Variants in IRAK1BP1 observed in about 807,000 individuals in gnomAD.
IRAK1BP1 encodes the protein interleukin 1 receptor associated kinase 1 binding protein 1.
IRAK1BP1 carries 24 observed loss-of-function variants against 28.0 expected under a neutral mutation model. The ratio of observed to expected loss-of-function variants is 0.86; its 90% CI spans 0.62 to 1.20. The LOEUF is 1.20. IRAK1BP1 is among the 50% of genes most tolerant of loss of function. IRAK1BP1 has a pLI of 0.00. For synonymous variants in IRAK1BP1, 131 were observed against 116.3 expected, an observed-to-expected ratio of 1.13 and a Z score of -0.81; for missense variants, 336 against 316.7, an observed-to-expected ratio of 1.06 and a Z score of -0.46.
At position 78,898,603 on chromosome 6, in the gene IRAK1BP1, A is replaced by C. The variant is rs1771991428; in HGVS notation, c.*269A>C. 1 of 151,542 alleles carries C rather than the reference A, an allele frequency of 6.6e-6. No homozygotes were observed. The highest frequency in any genetic ancestry group is 6.6e-5 in the Admixed American group (1 of 15,212). 9.4% of individuals were successfully genotyped at this position (151,542 alleles called of 1,614,324 possible). On this transcript the variant is annotated 3_prime_UTR_variant, in exon 4 of 4. Transcript: ENST00000369940. Reference sequence around the variant, plus strand: ...GCATACTTATATACTGACAGTTCATACAAGCACATGTGTAATATTTCTATT... The same window carrying C: ...GCATACTTATATACTGACAGTTCATCCAAGCACATGTGTAATATTTCTATT...
chr6:78,899,391 A>G lies in IRAK1BP1; in HGVS notation c.*1057A>G, dbSNP rs945529407. ...ACCCCAACCTTAACAACTTCACAAC[A>G]TGAATAGAAATAGTGATAAATAATT... On this transcript the variant is annotated 3_prime_UTR_variant, in exon 4 of 4. Transcript: ENST00000369940. 1 of 152,238 alleles carries G rather than the reference A, an allele frequency of 6.6e-6. No homozygotes were observed. Among genetic ancestry groups the G allele is most frequent in the South Asian group, 2.1e-4 (1 of 4,838 alleles). 9.4% of individuals were successfully genotyped at this position (152,238 alleles called of 1,614,324 possible).
At chr6:78,947,419 A>G (rs1466063461), downstream of IRAK1BP1, among the ~76,000 whole-genome samples, 1 of 152,228 alleles carries the variant, frequency 6.6e-6, no homozygotes, top group Non-Finnish European at 1.5e-5. Context: ...AAAAGTAACC[A>G]TTCCCAGACA....
At chr6:78,978,508 T>C in the IRAK1BP1 span, 1 of 1,109,204 alleles carries the variant, frequency 9.0e-7, no homozygotes, top group Non-Finnish European at 1.3e-6. Flanking sequence ...CTGCTTCTAT[T>C]TTCCAGAAGT....
At position 78,867,704 on chromosome 6, in the gene IRAK1BP1, C is replaced by T. The variant is rs759344874; in HGVS notation, c.128C>T (p.Ser43Leu). The T allele has an allele frequency of 3.7e-6, 6 of 1,614,258 alleles. No homozygotes were observed. Among genetic ancestry groups the T allele is most frequent in the Non-Finnish European group, 5.1e-6 (6 of 1,180,044 alleles). ...CCGGGCTTACGCCACCCCCTCTCCT[C>T]AACACAAGCCCAAACTGCTACCCGC... is the stretch of plus-strand genomic sequence containing the variant. ...TLPGLRHPLS[S>L]TQAQTATREV... The change falls in exon 1 of 4, where the codon TCA becomes TTA. Residue 43 changes from serine (S) to leucine (L), a missense_variant. By Grantham distance (145) the Ser-to-Leu change is moderately radical (BLOSUM62 -2). Transcript: ENST00000369940.
At chr6:78,875,872 T>A (rs1160742897) in intron 1 of IRAK1BP1, among the ~76,000 whole-genome samples, 1 of 152,082 alleles carries the variant, frequency 6.6e-6, no homozygotes, top group Non-Finnish European at 1.5e-5. Context: ...AATAAATAAA[T>A]AAAAATATAT....
chr6:78,974,206 T>G, the IRAK1BP1 span, among the ~76,000 whole-genome samples: 4 of 152,022 alleles, frequency 2.6e-5, no homozygotes, highest in Non-Finnish European at 4.4e-5. Flanking sequence ...CAAACTAGAA[T>G]TCAGGATTAA....
chr6:78,945,936 G>T, exon 5 of IRAK1BP1: 1 of 1,162,660 alleles, frequency 8.6e-7, no homozygotes, highest in South Asian at 1.4e-5. Context: ...TATTGCATTT[G>T]GCAAAGTAAA....
intron 2 of IRAK1BP1, among the ~76,000 whole-genome samples, chr6:78,893,014 A>G (rs1162253954): frequency 1.3e-5 from 2 of 151,956 alleles, no homozygotes; most frequent in African/African-American, 2.4e-5. Context: ...TGACCCAAAA[A>G]TATCCAAACT....
chr6:78,974,692 T>C, the IRAK1BP1 span, among the ~76,000 whole-genome samples: 1 of 151,902 alleles, frequency 6.6e-6, no homozygotes, highest in Non-Finnish European at 1.5e-5. Context: ...AAAGGGGATA[T>C]CACCACCGAT....
chr6:78,974,747 C>G, the IRAK1BP1 span, among the ~76,000 whole-genome samples: 1 of 152,058 alleles, frequency 6.6e-6, no homozygotes, highest in Admixed American at 6.6e-5. Context: ...ACAAACACTT[C>G]TACGCAAATA....
Position 78,898,411 on chromosome 6 carries a change from AATATATATATATATATATATAT to A in IRAK1BP1, c.*90_*111del, listed in dbSNP as rs58937738. ...TTTTATAATGTTTACGTTTGTCCTG[AATATATATATATATATATATAT>A]ATATATATATATGGTATAGGAGATA... On this transcript the variant is annotated 3_prime_UTR_variant, in exon 4 of 4. Transcript: ENST00000369940. 3.7e-4 allele frequency: 32 copies of A among 86,530 alleles called. 9 individuals carry two copies. The highest frequency in any genetic ancestry group is 2.2e-3 in the South Asian group (11 of 4,962). The allele number at this position is 86,530 out of a possible 1,614,324, so 5.4% of individuals were successfully genotyped here.
chr6:78,968,895 G>C, the IRAK1BP1 span, among the ~76,000 whole-genome samples: 2 of 152,094 alleles, frequency 1.3e-5, no homozygotes, highest in Admixed American at 1.3e-4. Context: ...TTTTCCCCCT[G>C]AAGACTTTCC....
At chr6:78,974,107 A>G in the IRAK1BP1 span, among the ~76,000 whole-genome samples, 91 of 152,162 alleles carry the variant, frequency 6.0e-4, 1 homozygote, top group South Asian at 7.7e-3. Flanking sequence ...CTATTCCAAA[A>G]TTGACCACAT....
chr6:78,912,686 T>C (rs1056915774), intron 4 of IRAK1BP1, among the ~76,000 whole-genome samples: 1 of 152,192 alleles, frequency 6.6e-6, no homozygotes, highest in Admixed American at 6.5e-5. Context: ...ATGGTTAGAT[T>C]GTGATGTTTT....
At chr6:78,867,958 C>T (rs1770645815) in intron 1 of IRAK1BP1, 67 bp downstream of exon 1, 14 of 1,438,876 alleles carry the variant, frequency 9.7e-6, no homozygotes, top group South Asian at 5.8e-5. Flanking sequence ...TGGTCGGGCC[C>T]CACAGGCCCC....
At chr6:78,952,417 CAAAAAAAAAAGAA>C in the IRAK1BP1 span, among the ~76,000 whole-genome samples, 4,983 of 59,768 alleles carry the variant, frequency 0.083, 75 homozygotes, top group South Asian at 0.13. Context: ...GACTCTGTCC[CAAAAAAAAAAGAA>C]AAAAAAAAAA....
At chr6:78,959,515 A>G in the IRAK1BP1 span, among the ~76,000 whole-genome samples, 4 of 152,156 alleles carry the variant, frequency 2.6e-5, no homozygotes, top group Non-Finnish European at 5.9e-5. Flanking sequence ...ATTGAACTAG[A>G]AGTTTCACGA....
At chr6:78,908,073 C>CA (rs1772306128), downstream of IRAK1BP1, among the ~76,000 whole-genome samples, 1 of 149,764 alleles carries the variant, frequency 6.7e-6, no homozygotes, top group East Asian at 2.0e-4. Flanking sequence ...TTTTTTGAGA[C>CA]AGAGTCTCAC....
At chr6:78,947,710 C>G, downstream of IRAK1BP1, 1 of 1,590,080 alleles carries the variant, frequency 6.3e-7, no homozygotes, top group Non-Finnish European at 8.6e-7. Flanking sequence ...ACTCATAATT[C>G]CCAGCCTCTA....
Sources: gnomAD v4.1 joint callset for allele counts (sites outside exome capture counted in the v4.1 genomes callset) on GRCh38, gnomAD v4.1.1 for gene constraint, MANE v1.5 for transcripts, NCBI Gene and HGNC (gene_info 2026-07-23, HGNC 2026-07-21) for gene names.